PRPF3: variants seen among roughly 807,000 people sequenced by gnomAD.
PRPF3 encodes U4/U6 small nuclear ribonucleoprotein Prp3.
In PRPF3, 3 loss-of-function variants were observed where a neutral mutation model predicts 89.2. The observed-to-expected ratio is 0.03, with a 90% confidence interval of 0.02 to 0.09. The LOEUF is 0.09. Among genes scored for constraint, PRPF3 ranks in the 10% least tolerant of loss-of-function variants. PRPF3 has a pLI of 1.00. For synonymous variants in PRPF3, 270 were observed against 289.1 expected (o/e 0.93, Z 0.67); for missense variants, 463 against 828.8 (o/e 0.56, Z 5.42).
At position 150,328,445 on chromosome 1, in the gene PRPF3, T is replaced by A. The variant is rs782592438; in HGVS notation, c.402T>A (p.Pro134=). Residue 134 remains proline (P), a synonymous_variant, in exon 4 of 16, where the codon CCT becomes CCA. Coordinates refer to ENST00000324862, the MANE Select transcript of PRPF3 (RefSeq NM_004698.4). ...EVIPGPPSES[P]GMLTKLQIKQ... ...TCCCTGGGCCTCCATCAGAGAGCCC[T>A]GGCATGCTGACTAAGCTCCAGGTTA... is the stretch of plus-strand genomic sequence containing the variant. The A allele has an allele frequency of 8.1e-6, 13 of 1,613,410 alleles. No homozygotes were observed. Among genetic ancestry groups the A allele is most frequent in the Non-Finnish European group, 1.0e-5 (12 of 1,179,880 alleles).
intron 1 of PRPF3, among the ~76,000 whole-genome samples, chr1:150,323,403 G>A (rs931386265): frequency 6.6e-6 from 1 of 151,708 alleles, no homozygotes; most frequent in Non-Finnish European, 1.5e-5. Context: ...CAGAACTTTC[G>A]GAGGTCAAGG....
In PRPF3 at chr1:150,343,225, G is replaced by C. The variant is rs1560111937; in HGVS notation, c.1283-84G>C. On this transcript the variant is annotated intron_variant, in intron 9 of 15. Coordinates refer to ENST00000324862, the MANE Select transcript of PRPF3 (RefSeq NM_004698.4). ...CCATTGCACTCCAACCTGGGTGACAGAGTGAGAGAGAGAAAAAAAAAAAAT... is the reference window on the plus strand; with the variant it reads ...CCATTGCACTCCAACCTGGGTGACACAGTGAGAGAGAGAAAAAAAAAAAAT... The C allele has an allele frequency of 2.9e-5, 23 of 794,312 alleles. 1 individual carries two copies. The highest frequency in any genetic ancestry group is 3.6e-5 in the Non-Finnish European group (23 of 637,142). 49.2% of individuals were successfully genotyped at this position (794,312 alleles called of 1,614,324 possible). A position where few individuals can be genotyped will look rare whatever the true frequency, so the allele number is the denominator to read the frequency against.
Position 150,332,575 on chromosome 1 carries a change from C to G in PRPF3, c.424-109C>G. ...GCAGGCAGAATGTGGTATAGTCATT[C>G]AAAACATTTTAAGTGTCTAGACCTG... On this transcript the variant is annotated intron_variant, in intron 4 of 15. Transcript: ENST00000324862. 5 of 1,076,818 alleles carry G rather than the reference C, an allele frequency of 4.6e-6. No individual in the cohort carries two copies. The South Asian group carries it at 6.4e-5, about 14-fold the overall frequency. 66.7% of individuals were successfully genotyped at this position (1,076,818 alleles called of 1,614,324 possible). A position where few individuals can be genotyped will look rare whatever the true frequency, so the allele number is the denominator to read the frequency against.
At chr1:150,348,241 G>C (rs1097066) in intron 14 of PRPF3, among the ~76,000 whole-genome samples, 1 of 151,370 alleles carries the variant, frequency 6.6e-6, no homozygotes, top group Non-Finnish European at 1.5e-5. Context: ...TGAGCTGGGC[G>C]TGGCAGCGTG....
At chr1:150,333,255 A>C (rs1403942552) in intron 6 of PRPF3, 56 bp downstream of exon 6, 1 of 1,559,864 alleles carries the variant, frequency 6.4e-7, no homozygotes, top group Non-Finnish European at 8.8e-7. Context: ...GAAGCAATAA[A>C]TACCTTTGAA....
chr1:150,337,124 C>T (rs1433515078), intron 7 of PRPF3, among the ~76,000 whole-genome samples: 7 of 147,296 alleles, frequency 4.8e-5, no homozygotes, highest in Non-Finnish European at 7.4e-5. Context: ...CTGAAAGCTC[C>T]GCCTTCCAGG....
At chr1:150,334,911 A>C (rs781958042) in intron 6 of PRPF3, 24 bp from the exon 7 acceptor site, 23 of 1,613,276 alleles carry the variant, frequency 1.4e-5, no homozygotes, top group Non-Finnish European at 1.9e-5. Context: ...TACAGGATTT[A>C]TTTCTTTGCG....
At chr1:150,339,298 C>T (rs782141109) in intron 8 of PRPF3, among the ~76,000 whole-genome samples, 28 of 151,330 alleles carry the variant, frequency 1.9e-4, no homozygotes, top group Non-Finnish European at 3.4e-4. Flanking sequence ...TCACTTGAGC[C>T]CAGGAGGGTC....
At chr1:150,332,875 T>A (rs1656566945) in intron 5 of PRPF3, 104 bp from the exon 6 acceptor site, 1 of 1,492,108 alleles carries the variant, frequency 6.7e-7, no homozygotes, top group African/African-American at 1.4e-5. Flanking sequence ...CACTTCATAA[T>A]CATCTGCTAC....
chr1:150,339,573 A>T (rs1657447102), intron 8 of PRPF3, among the ~76,000 whole-genome samples: 1 of 151,568 alleles, frequency 6.6e-6, no homozygotes, highest in Non-Finnish European at 1.5e-5. Context: ...AGTAGCTGAG[A>T]TTATAGGCAT....
intron 10 of PRPF3, among the ~76,000 whole-genome samples, chr1:150,343,954 C>T (rs943886856): frequency 6.6e-6 from 1 of 152,168 alleles, no homozygotes; most frequent in African/African-American, 2.4e-5. Context: ...AATGTAAATG[C>T]ATACCAATCT....
At chr1:150,336,103 A>G (rs1215206271) in intron 7 of PRPF3, among the ~76,000 whole-genome samples, 1 of 152,134 alleles carries the variant, frequency 6.6e-6, no homozygotes, top group Non-Finnish European at 1.5e-5. Flanking sequence ...ATATGATGAA[A>G]TAATTATATA....
intron 8 of PRPF3, 123 bp downstream of exon 8, chr1:150,338,449 A>C (rs1233656983): frequency 5.0e-6 from 5 of 999,946 alleles, no homozygotes; most frequent in Non-Finnish European, 7.5e-6. Flanking sequence ...TTCATTAATT[A>C]AAATTTTTAA....
At position 150,325,733 on chromosome 1, in the gene PRPF3, C is replaced by T. The variant is rs782711311; in HGVS notation, c.146-18C>T. The T allele has an allele frequency of 9.3e-6, 15 of 1,610,226 alleles. No individual in the cohort carries two copies. Among genetic ancestry groups the T allele is most frequent in the Middle Eastern group, 1.7e-4 (1 of 5,960 alleles). ...ACTCTTACCTTTCCAACCCTACCAC[C>T]GCCTTTCTTCCTGTCAGATCATCTG... is the stretch of plus-strand genomic sequence containing the variant. On this transcript the variant is annotated intron_variant, in intron 2 of 15. Transcript: ENST00000324862.
At chr1:150,346,363 A>G (rs782422620) in intron 13 of PRPF3, 45 bp from the exon 14 acceptor site, 2 of 1,563,416 alleles carry the variant, frequency 1.3e-6, no homozygotes, top group South Asian at 2.2e-5. Flanking sequence ...TTTCTACCCC[A>G]TCATCTTCCA....
intron 9 of PRPF3, among the ~76,000 whole-genome samples, chr1:150,341,442 G>T (rs72696828): frequency 8.6e-6 from 1 of 115,906 alleles, no homozygotes; most frequent in Non-Finnish European, 1.6e-5. Flanking sequence ...TTTCGCTCTT[G>T]TGGTCCAGGC....
chr1:150,338,498 ATTTTTTT>A (rs1266003723), intron 8 of PRPF3, among the ~76,000 whole-genome samples, 172 bp downstream of exon 8: 50 of 141,122 alleles, frequency 3.5e-4, no homozygotes, highest in Non-Finnish European at 6.4e-4. Flanking sequence ...AGGTCCTGTT[ATTTTTTT>A]TTTTTTTTTT....
intron 3 of PRPF3, chr1:150,327,874 A>G (rs1655897212): frequency 5.7e-6 from 1 of 176,258 alleles, no homozygotes; most frequent in Admixed American, 5.7e-5. Flanking sequence ...CACTTGGCAA[A>G]CAGAATATCA....
At chr1:150,344,293 G>A (rs369133771) in intron 11 of PRPF3, 32 bp downstream of exon 11, 3 of 1,613,880 alleles carry the variant, frequency 1.9e-6, no homozygotes, top group Non-Finnish European at 2.5e-6. Flanking sequence ...GGAAACCTCG[G>A]GCAAGTACCT....
Sources: gnomAD v4.1 joint callset for allele counts (sites outside exome capture counted in the v4.1 genomes callset) on GRCh38, gnomAD v4.1.1 for gene constraint, MANE v1.5 for transcripts, NCBI Gene and HGNC (gene_info 2026-07-23, HGNC 2026-07-21) for gene names.